The following TUBA1C variants were observed in gnomAD, a reference collection of about 807,000 sequenced individuals.
The protein encoded by TUBA1C is tubulin alpha 1c.
A neutral mutation model predicts 34.9 loss-of-function variants in TUBA1C; 16 were observed. That is an observed-to-expected ratio of 0.46 (90% CI 0.31 to 0.70). TUBA1C has a LOEUF of 0.70. Ranked by LOEUF, TUBA1C falls within the 30% of genes least tolerant of loss-of-function variation. The pLI is 0.05. For missense variants in TUBA1C, 329 were observed against 587.3 expected (o/e 0.56, Z 4.55); for synonymous variants, 177 against 215.9 (o/e 0.82, Z 1.58).
chr12:49,231,251 A>G lies in TUBA1C; in HGVS notation c.213+3085A>G, dbSNP rs2136984026. On this transcript the variant is annotated intron_variant, in intron 1 of 3. Transcript: ENST00000541364. ...GCAATTATAGCTCACTACAGCCTTA[A>G]ACTCCTGGGCTCAAGTGATCCTCCT... Among the ~76,000 whole-genome samples, 2 of 152,252 alleles carry G rather than the reference A, an allele frequency of 1.3e-5. 1 individual carries two copies. Among genetic ancestry groups the G allele is most frequent in the Middle Eastern group, 6.8e-3 (2 of 294 alleles).
chr12:49,261,192 T>G (rs1942837178), upstream of TUBA1C, among the ~76,000 whole-genome samples: 1 of 151,590 alleles, frequency 6.6e-6, no homozygotes, highest in Non-Finnish European at 1.5e-5. Flanking sequence ...ATAGCGCCAT[T>G]GCACTCCAGC....
At chr12:49,256,365 C>T in intron 1 of TUBA1C, 1 of 438,510 alleles carries the variant, frequency 2.3e-6, no homozygotes. Context: ...TTGTTTTGAA[C>T]AAAAATTATT....
chr12:49,247,430 A>G (rs11168933), intron 1 of TUBA1C, among the ~76,000 whole-genome samples: 5,481 of 145,342 alleles, frequency 0.038, 120 homozygotes, highest in Middle Eastern at 0.091. Flanking sequence ...GGTGGCATGC[A>G]CCTGTAATCC....
intron 1 of TUBA1C, among the ~76,000 whole-genome samples, chr12:49,247,721 G>GTA (rs2136999490): frequency 6.6e-6 from 1 of 152,250 alleles, no homozygotes; most frequent in African/African-American, 2.4e-5. Context: ...GCCAAGGCAG[G>GTA]CGGATCACGA....
chr12:49,266,481 T>C (rs1942914456), intron 1 of TUBA1C, among the ~76,000 whole-genome samples: 1 of 152,042 alleles, frequency 6.6e-6, no homozygotes, highest in African/African-American at 2.4e-5. Context: ...CACGTGTTCT[T>C]AGTTCAGTTT....
chr12:49,253,008 C>T (rs1485569070), intron 1 of TUBA1C, among the ~76,000 whole-genome samples: 3 of 150,972 alleles, frequency 2.0e-5, no homozygotes, highest in African/African-American at 2.4e-5. Context: ...TCCTTGAACC[C>T]GGGAGGTGGA....
At position 49,247,050 on chromosome 12, in the gene TUBA1C, G is replaced by A. The variant is rs537315842; in HGVS notation, c.213+18884G>A. 2.2e-3 allele frequency among the ~76,000 whole-genome samples: 325 copies of A among 150,914 alleles called. 1 individual carries two copies. Among genetic ancestry groups the A allele is most frequent in the Middle Eastern group, 0.014 (4 of 294 alleles). On this transcript the variant is annotated intron_variant, in intron 1 of 3. Coordinates refer to the TUBA1C transcript ENST00000541364. ...AGCTACTTGGGAGGCTGACACAGGAGAATTGCATGAACCCAGGAGATGGAG... is the reference window on the plus strand; with the variant it reads ...AGCTACTTGGGAGGCTGACACAGGAAAATTGCATGAACCCAGGAGATGGAG...
chr12:49,260,712 C>A (rs755344747), upstream of TUBA1C, among the ~76,000 whole-genome samples: 6 of 152,136 alleles, frequency 3.9e-5, no homozygotes, highest in Non-Finnish European at 8.8e-5. Context: ...GGAGAAAAAA[C>A]AAACTGCCTT....
At chr12:49,235,096 G>T (rs2136987826) in intron 1 of TUBA1C, among the ~76,000 whole-genome samples, 1 of 149,732 alleles carries the variant, frequency 6.7e-6, no homozygotes, top group South Asian at 2.1e-4. Flanking sequence ...GATTACAGGC[G>T]TGAGCGACTG....
At chr12:49,270,841 T>C (rs1592288650) in intron 3 of TUBA1C, among the ~76,000 whole-genome samples, 1 of 151,932 alleles carries the variant, frequency 6.6e-6, no homozygotes, top group East Asian at 1.9e-4. Flanking sequence ...TAGCCGGGCG[T>C]GGTGGTGGGC....
intron 1 of TUBA1C, among the ~76,000 whole-genome samples, chr12:49,254,133 G>T (rs1423017814): frequency 1.3e-5 from 2 of 152,060 alleles, no homozygotes; most frequent in Non-Finnish European, 2.9e-5. Flanking sequence ...CCAACACGGA[G>T]AAACCCCGTC....
At chr12:49,228,266 T>A (rs1942460710) in intron 1 of TUBA1C, 1 of 1,165,820 alleles carries the variant, frequency 8.6e-7, no homozygotes, top group Non-Finnish European at 1.2e-6. Context: ...TTGCTCCTAT[T>A]TATTGTTTCA....
intron 1 of TUBA1C, among the ~76,000 whole-genome samples, chr12:49,252,533 TG>T: frequency 6.6e-6 from 1 of 152,266 alleles, no homozygotes; most frequent in African/African-American, 2.4e-5. Flanking sequence ...GGAGAAGCTT[TG>T]GGGGAAGTTG....
At chr12:49,231,086 G>T (rs150145389) in intron 1 of TUBA1C, among the ~76,000 whole-genome samples, 307 of 152,292 alleles carry the variant, frequency 2.0e-3, no homozygotes, top group Middle Eastern at 0.014. Flanking sequence ...TCACTGTCTA[G>T]CTTCCTCAGA....
At chr12:49,248,635 G>A (rs1335130354) in intron 1 of TUBA1C, among the ~76,000 whole-genome samples, 5 of 151,180 alleles carry the variant, frequency 3.3e-5, no homozygotes, top group African/African-American at 1.2e-4. Context: ...AGGCCGAGGC[G>A]GGCGGATCAC....
Position 49,273,967 on chromosome 12 carries a change from G to A in TUBA1C, c.*740G>A, listed in dbSNP as rs1408594477. 6.5e-6 allele frequency: 1 copy of A among 153,386 alleles called. No individual in the cohort carries two copies. Among genetic ancestry groups the A allele is most frequent in the Non-Finnish European group, 1.4e-5 (1 of 68,966 alleles). 9.5% of individuals were successfully genotyped at this position (153,386 alleles called of 1,614,324 possible). ...CATGCTGTGATGGCACCTGCCTATA[G>A]GTGGGAGGACCACCTGAGCCCAAGG... is the stretch of plus-strand genomic sequence containing the variant. On this transcript the variant is annotated 3_prime_UTR_variant, in exon 4 of 4. Coordinates refer to ENST00000301072, the MANE Select transcript of TUBA1C (RefSeq NM_032704.5).
At chr12:49,227,975 G>A (rs1441355876) in exon 1 of TUBA1C, 1 of 1,535,732 alleles carries the variant, frequency 6.5e-7, no homozygotes, top group Non-Finnish European at 8.7e-7. Flanking sequence ...GTTCAATGGG[G>A]TGGAGGAGCT....
chr12:49,255,695 A>G (rs1019403805), intron 1 of TUBA1C, among the ~76,000 whole-genome samples: 8 of 152,130 alleles, frequency 5.3e-5, no homozygotes, highest in Admixed American at 3.3e-4. Flanking sequence ...CCTCTGGAGT[A>G]GCTGGGATTA....
intron 1 of TUBA1C, 38 bp from the exon 2 acceptor site, chr12:49,269,427 G>A (rs1031117392): frequency 4.3e-6 from 7 of 1,612,808 alleles, no homozygotes; most frequent in Admixed American, 3.3e-5. Context: ...CCCATCTGAT[G>A]TATTATACCC....
Sources: allele counts gnomAD v4.1 joint callset (sites outside exome capture counted in the v4.1 genomes callset), GRCh38; gene constraint gnomAD v4.1.1; transcripts MANE v1.5; gene names NCBI Gene and HGNC (gene_info 2026-07-23, HGNC 2026-07-21).